AS3MT: variants seen among roughly 807,000 people sequenced by gnomAD.
AS3MT encodes the protein arsenite methyltransferase.
Under a neutral mutation model 45.3 loss-of-function variants are expected in AS3MT, and 47 were observed. The observed-to-expected ratio is 1.04, with a 90% CI of 0.82 to 1.32. The LOEUF is 1.32. AS3MT is among the 40% of genes most tolerant of loss of function. The pLI is 0.00. For missense variants in AS3MT, 396 were observed against 451.1 expected (o/e 0.88, Z 1.11); for synonymous variants, 141 against 152.8 (o/e 0.92, Z 0.57).
At position 102,895,694 on chromosome 10, in the gene AS3MT, T is replaced by G. The variant is rs180692393; in HGVS notation, c.1021-4899T>G. 3.5e-3 allele frequency among the ~76,000 whole-genome samples: 536 copies of G among 152,062 alleles called. 1 individual carries two copies. The highest frequency in any genetic ancestry group is 6.3e-3 in the Non-Finnish European group (426 of 67,986). On this transcript the variant is annotated intron_variant, in intron 10 of 10. Coordinates refer to ENST00000369880, the MANE Select transcript of AS3MT (RefSeq NM_020682.4). ...TACGCCACCAGGTGATCCACCCACC[T>G]AGGTTGCCCAGCCTGGGCAACAAGA...
At chr10:102,869,758 G>A (rs757944146) in intron 1 of AS3MT, 47 bp from the exon 2 acceptor site, 4 of 1,613,518 alleles carry the variant, frequency 2.5e-6, no homozygotes, top group Non-Finnish European at 2.5e-6. Flanking sequence ...CCTCATGCCC[G>A]TCCCTCAGCA....
At chr10:102,890,503 A>G in intron 9 of AS3MT, 41 bp from the exon 10 acceptor site, 1 of 1,525,062 alleles carries the variant, frequency 6.6e-7, no homozygotes, top group Non-Finnish European at 8.8e-7. Flanking sequence ...ATTGAGACTA[A>G]AGTTGCAACT....
Position 102,872,595 on chromosome 10 carries a change from C to T in AS3MT, c.318C>T (p.Gly106=). The T allele has an allele frequency of 1.3e-6, 2 of 1,599,940 alleles. No individual in the cohort carries two copies. Among genetic ancestry groups the T allele is most frequent in the Non-Finnish European group, 1.7e-6 (2 of 1,175,586 alleles). Reference sequence around the variant, plus strand: ...TGACTGGAATAGACATGACCAAAGGCCAGGTGAGGCATGATTTGGAAGACA... The same window carrying T: ...TGACTGGAATAGACATGACCAAAGGTCAGGTGAGGCATGATTTGGAAGACA... ...GHVTGIDMTK[G]QVEVAEKYLD... is the part of the protein sequence containing the mutation. Residue 106 remains glycine, a synonymous_variant, in exon 4 of 11, where the codon GGC becomes GGT. Transcript: ENST00000369880.
chr10:102,877,037 T>C lies in AS3MT; in HGVS notation c.610+2T>C, dbSNP rs753552796. On this transcript the variant is annotated splice_donor_variant, in intron 7 of 10. Coordinates refer to ENST00000369880, the MANE Select transcript of AS3MT (RefSeq NM_020682.4). LOFTEE classifies it high-confidence loss of function. ...TCAGGACACACAAAGTTTTATGGGG[T>C]AGGTGATTTTGTTTAGTTTAGTATT... is the stretch of plus-strand genomic sequence containing the variant. 37 of 1,613,638 alleles carry C rather than the reference T, an allele frequency of 2.3e-5. No individual in the cohort carries two copies. Among genetic ancestry groups the C allele is most frequent in the Non-Finnish European group, 2.6e-5 (31 of 1,179,654 alleles).
chr10:102,878,445 G>C lies in AS3MT; in HGVS notation c.677G>C (p.Cys226Ser). 1 of 1,614,008 alleles carries C rather than the reference G, an allele frequency of 6.2e-7. No homozygotes were observed. The highest frequency in any genetic ancestry group is 8.5e-7 in the Non-Finnish European group (1 of 1,180,006). The change falls in exon 8 of 11, where the codon TGC becomes TCC. Residue 226 changes from cysteine (C) to serine (S), a missense_variant. Cys to Ser is a moderately radical substitution (Grantham distance 112, BLOSUM62 -1). Transcript: ENST00000369880. ...LAVLAQKIGF[C>S]PPRLVTANLI... The stretch of plus-strand genomic sequence containing the variant: ...GTCCTTGCTCAAAAAATTGGGTTCT[G>C]CCCTCCACGTTTGGTCACTGCCAAT...
At chr10:102,895,389 C>CG (rs1483664550) in intron 10 of AS3MT, among the ~76,000 whole-genome samples, 5 of 151,736 alleles carry the variant, frequency 3.3e-5, no homozygotes, top group East Asian at 1.9e-4. Flanking sequence ...TTAGTAGAGG[C>CG]GGGGTCTCAT....
intron 10 of AS3MT, among the ~76,000 whole-genome samples, chr10:102,895,102 T>C (rs1845141213): frequency 1.3e-5 from 2 of 152,218 alleles, no homozygotes; most frequent in South Asian, 4.1e-4. Flanking sequence ...TTTAACATCC[T>C]ACAGTTATGA....
intron 9 of AS3MT, among the ~76,000 whole-genome samples, chr10:102,889,998 T>TC (rs1280728593): frequency 1.4e-5 from 2 of 146,554 alleles, no homozygotes; most frequent in Non-Finnish European, 3.0e-5. Context: ...TCTTTTCTTT[T>TC]TTTTTTTTTT....
chr10:102,890,607 C>T lies in AS3MT; in HGVS notation c.949C>T (p.Gln317Ter), dbSNP rs1590228456. 6.2e-6 allele frequency: 10 copies of T among 1,612,184 alleles called. No homozygotes were observed. Among genetic ancestry groups the T allele is most frequent in the African/African-American group, 2.7e-5 (2 of 74,844 alleles). Residue 317 changes from glutamine to a stop codon, truncating the protein, a stop_gained, in exon 10 of 11, where the codon CAA becomes TAA. Coordinates refer to ENST00000369880, the MANE Select transcript of AS3MT (RefSeq NM_020682.4). LOFTEE classifies it high-confidence loss of function. ...AAILKNSRFA[Q>*]DFLIRPIGEK... is the part of the protein sequence containing the mutation. ...TATCTTGAAGAATTCAAGATTTGCT[C>T]AAGATTTTCTGATCAGACCAATTGG...
At chr10:102,899,793 G>A (rs1275447925) in intron 10 of AS3MT, among the ~76,000 whole-genome samples, 4 of 150,942 alleles carry the variant, frequency 2.7e-5, no homozygotes, top group African/African-American at 7.3e-5. Context: ...TCAGCCTCCC[G>A]AGTAGCTGAG....
intron 10 of AS3MT, among the ~76,000 whole-genome samples, chr10:102,897,552 G>A (rs1436849819): frequency 1.3e-5 from 2 of 149,302 alleles, no homozygotes; most frequent in African/African-American, 2.5e-5. Context: ...TTACTCCTCC[G>A]CCTCCTGGGT....
chr10:102,896,101 G>A (rs1038349295), intron 10 of AS3MT, among the ~76,000 whole-genome samples: 2 of 151,634 alleles, frequency 1.3e-5, no homozygotes, highest in Admixed American at 6.6e-5. Context: ...GGAGGCTGAG[G>A]CTGGCAGACC....
rs759286397 is a variant in AS3MT, at chr10:102,872,409, C to T, written c.171-39C>T. 4 of 1,608,662 alleles carry T rather than the reference C, an allele frequency of 2.5e-6. No individual in the cohort carries two copies. The South Asian group carries it at 4.4e-5, about 18-fold the overall frequency. On this transcript the variant is annotated intron_variant, in intron 3 of 10. Coordinates refer to ENST00000369880, the MANE Select transcript of AS3MT (RefSeq NM_020682.4). ...TAAGATTTAGTGGTTTCATGTCTTA[C>T]AGTCTCCAGGGAAAAAATATGTGTT... is the stretch of plus-strand genomic sequence containing the variant.
intron 5 of AS3MT, 66 bp downstream of exon 5, chr10:102,873,299 G>C: frequency 8.6e-7 from 1 of 1,164,658 alleles, no homozygotes; most frequent in Non-Finnish European, 1.1e-6. Flanking sequence ...TATTATTATT[G>C]AGATGGACTC....
At position 102,873,023 on chromosome 10, in the gene AS3MT, T is replaced by A; in HGVS notation, c.322-74T>A. On this transcript the variant is annotated intron_variant, in intron 4 of 10. Transcript: ENST00000369880. ...ATCTAGGGGAAGTATATTCTGTTAG[T>A]GATAGGAAATTTTTAGGAAAAAGTT... The A allele has an allele frequency of 4.0e-6, 5 of 1,264,512 alleles. No individual in the cohort carries two copies. The South Asian group carries it at 7.6e-5, about 19-fold the overall frequency. The allele number at this position is 1,264,512 out of a possible 1,614,324, so 78.3% of individuals were successfully genotyped here.
chr10:102,900,732 G>A lies in AS3MT; in HGVS notation c.*32G>A. 6.6e-7 allele frequency: 1 copy of A among 1,521,312 alleles called. No individual in the cohort carries two copies. Among genetic ancestry groups the A allele is most frequent in the Non-Finnish European group, 9.1e-7 (1 of 1,095,550 alleles). The allele number at this position is 1,521,312 out of a possible 1,614,324, so 94.2% of individuals were successfully genotyped here. A position where few individuals can be genotyped will look rare whatever the true frequency, so the allele number is the denominator to read the frequency against. On this transcript the variant is annotated 3_prime_UTR_variant, in exon 11 of 11. Transcript: ENST00000369880. ...AGCCAACCAGGGGACCACAGTAGTGGGCAAGAGTGATCTGCATGTTTTTTA... is the reference window on the plus strand; with the variant it reads ...AGCCAACCAGGGGACCACAGTAGTGAGCAAGAGTGATCTGCATGTTTTTTA...
chr10:102,889,180 G>A lies in AS3MT; in HGVS notation c.886-1364G>A, dbSNP rs891574313. 3.9e-5 allele frequency among the ~76,000 whole-genome samples: 6 copies of A among 151,920 alleles called. No individual in the cohort carries two copies. The East Asian group carries it at 9.7e-4, about 25-fold the overall frequency. On this transcript the variant is annotated intron_variant, in intron 9 of 10. Coordinates refer to ENST00000369880, the MANE Select transcript of AS3MT (RefSeq NM_020682.4). ...GCTGGGATTACAGGCTTGAGCCACC[G>A]TGCCCGGCCAAACCCTATATTTATA...
Position 102,872,433 on chromosome 10 carries a change from T to G in AS3MT, c.171-15T>G, listed in dbSNP as rs777712128. 1.2e-6 allele frequency: 2 copies of G among 1,613,062 alleles called. No homozygotes were observed. The highest frequency in any genetic ancestry group is 1.7e-6 in the Non-Finnish European group (2 of 1,179,668). ...ACAGTCTCCAGGGAAAAAATATGTG[T>G]TTTCCATTTCCCAGATATTATGGCT... On this transcript the variant is annotated splice_polypyrimidine_tract_variant and intron_variant, in intron 3 of 10. Transcript: ENST00000369880.
intron 10 of AS3MT, among the ~76,000 whole-genome samples, chr10:102,894,519 A>T (rs2134131503): frequency 6.6e-6 from 1 of 152,320 alleles, no homozygotes; most frequent in East Asian, 1.9e-4. Context: ...AGGCATTGCA[A>T]AGTTATCCTA....
Sources: gnomAD v4.1 joint callset for allele counts (sites outside exome capture counted in the v4.1 genomes callset) on GRCh38, gnomAD v4.1.1 for gene constraint, MANE v1.5 for transcripts, NCBI Gene and HGNC (gene_info 2026-07-23, HGNC 2026-07-21) for gene names.